The following CBFA2T3 variants were observed in gnomAD, a reference collection of about 807,000 sequenced individuals.
CBFA2T3 encodes the protein transcriptional corepressor CBFA2T3.
CBFA2T3 carries 31 observed loss-of-function variants against 58.6 expected under a neutral mutation model. The ratio of observed to expected loss-of-function variants is 0.53; its 90% CI spans 0.40 to 0.71. The LOEUF is 0.71. CBFA2T3 is among the 30% of genes least tolerant of loss of function. CBFA2T3 has a pLI of 0.00. For synonymous variants in CBFA2T3, 531 were observed against 421.9 expected (o/e 1.26, Z -3.17); for missense variants, 1,076 against 963.1 (o/e 1.12, Z -1.55).
chr16:88,932,784 A>G (rs1271730432), intron 1 of CBFA2T3, among the ~76,000 whole-genome samples: 1 of 136,930 alleles, frequency 7.3e-6, no homozygotes, highest in African/African-American at 2.9e-5. Flanking sequence ...CGTCTCTACT[A>G]AAAATACAAA....
chr16:88,912,376 C>T (rs887441144), intron 1 of CBFA2T3, among the ~76,000 whole-genome samples: 2 of 152,240 alleles, frequency 1.3e-5, no homozygotes, highest in Non-Finnish European at 2.9e-5. Context: ...GTCTCTCCGT[C>T]AGTCTTGGCC....
chr16:88,879,158 C>T (rs763768966), intron 11 of CBFA2T3, 112 bp downstream of exon 11: 33 of 920,714 alleles, frequency 3.6e-5, no homozygotes, highest in South Asian at 1.7e-4. Context: ...GCAGGATGCC[C>T]GTGACAACTG....
intron 1 of CBFA2T3, among the ~76,000 whole-genome samples, chr16:88,917,565 C>A (rs1377435925): frequency 6.6e-6 from 1 of 152,142 alleles, no homozygotes; most frequent in African/African-American, 2.4e-5. Flanking sequence ...AAAGTGTCGT[C>A]GCTGTTTAAA....
chr16:88,896,997 C>G (rs1019561564), intron 3 of CBFA2T3, among the ~76,000 whole-genome samples: 4 of 152,266 alleles, frequency 2.6e-5, no homozygotes, highest in African/African-American at 9.6e-5. Context: ...TTAGACCGCA[C>G]ACGTGTCCCC....
chr16:88,885,874 G>A lies in CBFA2T3; in HGVS notation c.893+87C>T. 1 of 1,225,744 alleles carries A rather than the reference G, an allele frequency of 8.2e-7. No individual in the cohort carries two copies. The highest frequency in any genetic ancestry group is 2.2e-5 in the Admixed American group (1 of 46,062). 75.9% of individuals were successfully genotyped at this position (1,225,744 alleles called of 1,614,324 possible). ...CGGCCGGGCTGGCTGCAGCCCCAGA[G>A]GAGGTTCCCTCTCTTACCCAGAGGG... On this transcript the variant is annotated intron_variant, in intron 6 of 11. Coordinates refer to ENST00000268679, the MANE Select transcript of CBFA2T3 (RefSeq NM_005187.6). This position sits in a 1 kb window ranked among gnomAD's most constrained non-coding sequence, Gnocchi z 5.3.
intron 1 of CBFA2T3, among the ~76,000 whole-genome samples, chr16:88,945,651 T>G (rs1410991014): frequency 6.6e-6 from 1 of 152,040 alleles, no homozygotes; most frequent in Non-Finnish European, 1.5e-5. Flanking sequence ...TAACTAAAAC[T>G]CAACACACGG....
rs191654808 is a variant in CBFA2T3, at chr16:88,914,387, T to C, written c.152-12731A>G. Among the ~76,000 whole-genome samples the C allele has an allele frequency of 3.6e-3, 555 of 152,352 alleles. 1 individual carries two copies. The highest frequency in any genetic ancestry group is 0.013 in the African/African-American group (532 of 41,586). On this transcript the variant is annotated intron_variant, in intron 1 of 11. Coordinates refer to ENST00000268679, the MANE Select transcript of CBFA2T3 (RefSeq NM_005187.6). ...TGGTGCACACTTCTGTGTGCAGTGC[T>C]GCGAGCATACATTTAATTGCAAAAA... is the stretch of plus-strand genomic sequence containing the variant.
intron 3 of CBFA2T3, among the ~76,000 whole-genome samples, chr16:88,895,014 T>C (rs1485312893): frequency 6.6e-6 from 1 of 152,134 alleles, no homozygotes; most frequent in African/African-American, 2.4e-5. Context: ...ACCTGGCCCC[T>C]GGGAGGTGAC....
At chr16:88,906,519 C>G (rs1970340805) in intron 1 of CBFA2T3, among the ~76,000 whole-genome samples, 1 of 152,252 alleles carries the variant, frequency 6.6e-6, no homozygotes, top group South Asian at 2.1e-4. Flanking sequence ...TCGCACAGAG[C>G]TTCACAGTAG....
intron 5 of CBFA2T3, among the ~76,000 whole-genome samples, chr16:88,887,991 G>C (rs1410067104): frequency 6.6e-6 from 1 of 152,220 alleles, no homozygotes; most frequent in Non-Finnish European, 1.5e-5. Context: ...CCATAGAGGG[G>C]CTGTGGCCTT....
chr16:88,911,252 G>A (rs1226562205), intron 1 of CBFA2T3, among the ~76,000 whole-genome samples: 2 of 152,238 alleles, frequency 1.3e-5, no homozygotes, highest in Non-Finnish European at 2.9e-5. Flanking sequence ...GGGTGATGAC[G>A]ATGGACGGCA....
At chr16:88,909,197 T>C (rs1338540523) in intron 1 of CBFA2T3, among the ~76,000 whole-genome samples, 2 of 152,188 alleles carry the variant, frequency 1.3e-5, no homozygotes, top group Non-Finnish European at 2.9e-5. Flanking sequence ...TGCAAAGCCT[T>C]TTCTGGGGCT....
intron 1 of CBFA2T3, among the ~76,000 whole-genome samples, chr16:88,927,345 T>A (rs1047368225): frequency 6.6e-6 from 1 of 152,144 alleles, no homozygotes; most frequent in African/African-American, 2.4e-5. Context: ...CTGGGCCCCA[T>A]CTGTGGGGAG....
intron 1 of CBFA2T3, among the ~76,000 whole-genome samples, chr16:88,904,430 C>T (rs971021997): frequency 3.3e-5 from 5 of 152,196 alleles, no homozygotes; most frequent in Non-Finnish European, 7.3e-5. Context: ...TGCTGCGGGC[C>T]GGGATCGGAA....
chr16:88,906,034 A>G (rs1970317472), intron 1 of CBFA2T3, among the ~76,000 whole-genome samples: 1 of 151,944 alleles, frequency 6.6e-6, no homozygotes, highest in Non-Finnish European at 1.5e-5. Flanking sequence ...TTGCCTCTTC[A>G]AAGGGGATGG....
Position 88,976,850 on chromosome 16 carries a change from G to A in CBFA2T3, c.-43C>T, listed in dbSNP as rs992187942. On this transcript the variant is annotated 5_prime_UTR_variant, in exon 1 of 12. Coordinates refer to ENST00000268679, the MANE Select transcript of CBFA2T3 (RefSeq NM_005187.6). The stretch of plus-strand genomic sequence containing the variant: ...GGGGCCAACCTGGAGCCCAGGACAG[G>A]CCTCTACCAGGACTGCCTTTCCCGA... 4 of 1,522,412 alleles carry A rather than the reference G, an allele frequency of 2.6e-6. No individual in the cohort carries two copies. Among genetic ancestry groups the A allele is most frequent in the Non-Finnish European group, 3.6e-6 (4 of 1,126,028 alleles). 94.3% of individuals were successfully genotyped at this position (1,522,412 alleles called of 1,614,324 possible). A position where few individuals can be genotyped will look rare whatever the true frequency, so the allele number is the denominator to read the frequency against.
At chr16:88,949,148 A>G (rs1971980355) in intron 1 of CBFA2T3, among the ~76,000 whole-genome samples, 1 of 152,282 alleles carries the variant, frequency 6.6e-6, no homozygotes, top group Non-Finnish European at 1.5e-5. Flanking sequence ...ATATAATACC[A>G]GTTTAAAATT....
At position 88,958,184 on chromosome 16, in the gene CBFA2T3, C is replaced by T. The variant is rs1972279650; in HGVS notation, c.151+18473G>A. Among the ~76,000 whole-genome samples the T allele has an allele frequency of 6.6e-6, 1 of 152,186 alleles. No homozygotes were observed. The highest frequency in any genetic ancestry group is 1.5e-5 in the Non-Finnish European group (1 of 68,040). Reference sequence around the variant, plus strand: ...GGAAGCCTGGTCAGGCTGTCGGGGCCTCAGACGGCAGAAACCTATCCCGAG... The same window carrying T: ...GGAAGCCTGGTCAGGCTGTCGGGGCTTCAGACGGCAGAAACCTATCCCGAG... On this transcript the variant is annotated intron_variant, in intron 1 of 11. Transcript: ENST00000268679. This position sits in a 1 kb window ranked among gnomAD's most constrained non-coding sequence, Gnocchi z 4.0.
chr16:88,962,519 G>A (rs573777177), intron 1 of CBFA2T3, among the ~76,000 whole-genome samples: 85 of 152,314 alleles, frequency 5.6e-4, no homozygotes, highest in Non-Finnish European at 9.4e-4. Context: ...CATGCCTGTC[G>A]TGAGTCCCGA....
Sources: gnomAD v4.1 joint callset for allele counts (sites outside exome capture counted in the v4.1 genomes callset) on GRCh38, gnomAD v4.1.1 for gene constraint, Gnocchi (gnomAD v3.1) non-coding constraint, MANE v1.5 for transcripts, NCBI Gene and HGNC (gene_info 2026-07-23, HGNC 2026-07-21) for gene names.